Variants in GALNTL6 observed in about 807,000 individuals in gnomAD.
The protein encoded by GALNTL6 is polypeptide N-acetylgalactosaminyltransferase like 6.
In GALNTL6, 46 loss-of-function variants were observed where a neutral mutation model predicts 73.7. The observed-to-expected ratio is 0.62, with a 90% confidence interval of 0.49 to 0.80. The LOEUF (loss-of-function observed/expected upper bound fraction) is 0.80, where lower values mean the gene tolerates loss of function less well. GALNTL6 is among the 30% of genes least tolerant of loss of function. The pLI is 0.00. For synonymous variants in GALNTL6, 259 were observed against 263.7 expected (o/e 0.98, Z 0.17); for missense variants, 604 against 755.0 (o/e 0.80, Z 2.34).
rs115476305 is a variant in GALNTL6 at position 172,587,520 on chromosome 4, G to A, written c.554-221841G>A. Among the ~76,000 whole-genome samples, 1,394 of 152,178 alleles carry A rather than the reference G, an allele frequency of 9.2e-3. 19 individuals carry two copies. The highest frequency in any genetic ancestry group is 0.032 in the African/African-American group (1,311 of 41,528). On this transcript the variant is annotated intron_variant, in intron 5 of 12. Coordinates refer to ENST00000506823, the MANE Select transcript of GALNTL6 (RefSeq NM_001034845.3). ...CAGAACTCCTTGGATTTGTAAGCAG[G>A]GCTTTCCACAGTGTGTCTCCCACCA...
intron 5 of GALNTL6, among the ~76,000 whole-genome samples, chr4:172,450,282 A>C (rs1438145079): frequency 6.6e-6 from 1 of 151,424 alleles, no homozygotes; most frequent in African/African-American, 2.4e-5. Context: ...AATCTTCTTC[A>C]TTACATTAAA....
chr4:172,613,910 G>A (rs967537314), intron 5 of GALNTL6, among the ~76,000 whole-genome samples: 2 of 152,066 alleles, frequency 1.3e-5, no homozygotes, highest in African/African-American at 4.8e-5. Flanking sequence ...CTGGCTTCTT[G>A]CTAAAGGCAT....
rs60369302 is a variant in GALNTL6, at chr4:172,143,873, C to A, written c.139-85783C>A. Among the ~76,000 whole-genome samples the A allele has an allele frequency of 9.1e-3, 1,377 of 152,098 alleles. 25 individuals are homozygous for A. The highest frequency in any genetic ancestry group is 0.03 in the African/African-American group (1,263 of 41,490). On this transcript the variant is annotated intron_variant, in intron 2 of 12. Coordinates refer to ENST00000506823, the MANE Select transcript of GALNTL6 (RefSeq NM_001034845.3). ...TTTTTCCCTTGGGGCTTCCATAGGT[C>A]TAAGGTTGGGAATTTATCCCTATAG...
intron 5 of GALNTL6, among the ~76,000 whole-genome samples, chr4:172,542,170 T>G (rs564964353): frequency 1.1e-4 from 17 of 151,620 alleles, no homozygotes; most frequent in African/African-American, 3.9e-4. Flanking sequence ...TGTGCCAAAT[T>G]TTATAGTCAG....
At chr4:172,895,401 TA>T (rs58861370) in intron 8 of GALNTL6, among the ~76,000 whole-genome samples, 23,990 of 138,932 alleles carry the variant, frequency 0.17, 2,172 homozygotes, top group African/African-American at 0.28. Flanking sequence ...TATATATATA[TA>T]TTTTTTTTTT....
At chr4:172,179,969 G>C (rs1200210558) in intron 2 of GALNTL6, among the ~76,000 whole-genome samples, 1 of 152,162 alleles carries the variant, frequency 6.6e-6, no homozygotes. Flanking sequence ...CCAGTAATGT[G>C]ATTGCTAGGT....
At chr4:171,965,365 A>C (rs964292223) in intron 2 of GALNTL6, among the ~76,000 whole-genome samples, 1 of 152,138 alleles carries the variant, frequency 6.6e-6, no homozygotes, top group Non-Finnish European at 1.5e-5. Flanking sequence ...TCAAAAGAAG[A>C]GTCAATGGGG....
chr4:172,039,121 A>G (rs971559840), intron 2 of GALNTL6, among the ~76,000 whole-genome samples: 1 of 152,144 alleles, frequency 6.6e-6, no homozygotes, highest in African/African-American at 2.4e-5. Context: ...CATTTCAACT[A>G]ATTTTGCATA....
At chr4:172,995,809 A>G (rs1018062084) in intron 10 of GALNTL6, among the ~76,000 whole-genome samples, 1 of 152,196 alleles carries the variant, frequency 6.6e-6, no homozygotes, top group Non-Finnish European at 1.5e-5. Context: ...CTTTTGTCTC[A>G]TAACAAATAT....
intron 5 of GALNTL6, among the ~76,000 whole-genome samples, chr4:172,692,439 C>T (rs1234356032): frequency 6.6e-6 from 1 of 151,970 alleles, no homozygotes; most frequent in Non-Finnish European, 1.5e-5. Context: ...AAAGCTTATA[C>T]CAAGTTGTAC....
At chr4:172,054,987 G>A (rs1730980902) in intron 2 of GALNTL6, among the ~76,000 whole-genome samples, 1 of 152,116 alleles carries the variant, frequency 6.6e-6, no homozygotes, top group African/African-American at 2.4e-5. Flanking sequence ...GGAACCAAGA[G>A]ACAGCCAAAC....
intron 5 of GALNTL6, among the ~76,000 whole-genome samples, chr4:172,774,941 CAG>C (rs1408007180): frequency 6.7e-6 from 1 of 149,384 alleles, no homozygotes; most frequent in Non-Finnish European, 1.5e-5. Context: ...GCCTGGGTGA[CAG>C]AGCGAGGCTC....
intron 5 of GALNTL6, among the ~76,000 whole-genome samples, chr4:172,700,451 A>G (rs959078544): frequency 6.6e-6 from 1 of 152,176 alleles, no homozygotes; most frequent in Non-Finnish European, 1.5e-5. Flanking sequence ...GTAATTGTAG[A>G]GGGATTTACT....
chr4:172,716,019 G>A (rs955230566), intron 5 of GALNTL6, among the ~76,000 whole-genome samples: 1 of 152,118 alleles, frequency 6.6e-6, no homozygotes, highest in South Asian at 2.1e-4. Flanking sequence ...ATCACATGAC[G>A]ACCAGCTTTC....
chr4:172,443,656 T>A (rs1731919809), intron 5 of GALNTL6, among the ~76,000 whole-genome samples: 1 of 152,138 alleles, frequency 6.6e-6, no homozygotes, highest in South Asian at 2.1e-4. Context: ...TACTATGAAG[T>A]CCAAACAATT....
intron 2 of GALNTL6, among the ~76,000 whole-genome samples, chr4:171,961,832 T>C (rs185442138): frequency 8.0e-4 from 122 of 152,312 alleles, no homozygotes; most frequent in Non-Finnish European, 1.5e-3. Context: ...CTAGCAACCC[T>C]ATCAGCTTGG....
chr4:172,620,355 T>C (rs930194415), intron 5 of GALNTL6, among the ~76,000 whole-genome samples: 1 of 152,196 alleles, frequency 6.6e-6, no homozygotes, highest in African/African-American at 2.4e-5. Context: ...CTATAGTACA[T>C]TTTAAAAGGG....
chr4:172,856,536 C>G (rs578232889), intron 7 of GALNTL6, among the ~76,000 whole-genome samples: 34 of 152,266 alleles, frequency 2.2e-4, no homozygotes, highest in Non-Finnish European at 4.3e-4. Context: ...CATAATTGCA[C>G]GGCAGGACCA....
chr4:172,179,817 T>G (rs1433862111), intron 2 of GALNTL6, among the ~76,000 whole-genome samples: 9 of 152,222 alleles, frequency 5.9e-5, no homozygotes, highest in Admixed American at 5.9e-4. Flanking sequence ...TTAATCCATG[T>G]GACACATTTT....
Sources: allele counts gnomAD v4.1 joint callset (sites outside exome capture counted in the v4.1 genomes callset), GRCh38; gene constraint gnomAD v4.1.1; transcripts MANE v1.5; gene names NCBI Gene and HGNC (gene_info 2026-07-23, HGNC 2026-07-21).